FUT9: variants seen among roughly 807,000 people sequenced by gnomAD.
The protein encoded by FUT9 is 4-galactosyl-N-acetylglucosaminide 3-alpha-L-fucosyltransferase 9.
Under a neutral mutation model 29.7 loss-of-function variants are expected in FUT9, and 15 were observed. The ratio of observed to expected loss-of-function variants is 0.51; its 90% confidence interval spans 0.34 to 0.78. The LOEUF is 0.78. FUT9 is among the 30% of genes least tolerant of loss of function. FUT9 has a pLI of 0.01. For synonymous variants in FUT9, 169 were observed against 153.7 expected (o/e 1.10, Z -0.74); for missense variants, 319 against 425.4 (o/e 0.75, Z 2.20).
chr6:96,057,539 C>CTGA (rs1183182108), intron 1 of FUT9, among the ~76,000 whole-genome samples: 1 of 152,150 alleles, frequency 6.6e-6, no homozygotes, highest in Non-Finnish European at 1.5e-5. Context: ...TAGTAATGGC[C>CTGA]ATCATTTATA....
At chr6:96,131,634 A>G (rs1772246239) in intron 2 of FUT9, among the ~76,000 whole-genome samples, 1 of 152,136 alleles carries the variant, frequency 6.6e-6, no homozygotes, top group Non-Finnish European at 1.5e-5. Flanking sequence ...TAACCTCAGA[A>G]TGCTTTAGGG....
chr6:96,078,386 C>CTCTT (rs1288992442), intron 1 of FUT9, among the ~76,000 whole-genome samples: 1 of 102,140 alleles, frequency 9.8e-6, no homozygotes, highest in Non-Finnish European at 2.0e-5. Flanking sequence ...TTGCTTTGAT[C>CTCTT]TCTTTCTTTC....
intron 1 of FUT9, among the ~76,000 whole-genome samples, chr6:96,056,767 A>T (rs1969864): frequency 6.6e-6 from 1 of 151,916 alleles, no homozygotes; most frequent in Non-Finnish European, 1.5e-5. Flanking sequence ...AAAAAAAAAA[A>T]CCTAAGCTTT....
Position 96,035,787 on chromosome 6 carries a change from T to TA in FUT9, c.-98+19575_-98+19576insA, listed in dbSNP as rs1354526980. ...ATAATTAAAATATAATATAATTTAT[T>TA]TATTATACTAATATAATATAATACA... On this transcript the variant is annotated intron_variant, in intron 1 of 2. Coordinates refer to ENST00000302103, the MANE Select transcript of FUT9 (RefSeq NM_006581.4). Among the ~76,000 whole-genome samples the TA allele has an allele frequency of 3.5e-3, 374 of 107,178 alleles. 1 individual carries two copies. Among genetic ancestry groups the TA allele is most frequent in the African/African-American group, 0.012 (362 of 31,168 alleles). The allele number at this position is 107,178 out of a possible 152,430, so 70.3% of individuals were successfully genotyped here. A position where few individuals can be genotyped will look rare whatever the true frequency, so the allele number is the denominator to read the frequency against.
intron 1 of FUT9, among the ~76,000 whole-genome samples, chr6:96,027,121 C>A (rs1770182169): frequency 6.6e-6 from 1 of 151,650 alleles, no homozygotes; most frequent in Non-Finnish European, 1.5e-5. Context: ...TATCCTGATA[C>A]TCATTCCCAG....
chr6:96,198,464 T>C lies in FUT9; in HGVS notation c.-8-4684T>C, dbSNP rs532208261. ...ACATGAACTCATCCTTTTTTATGGCTGCATAGTATTCCATGGTGTATATGT... is the reference window on the plus strand; with the variant it reads ...ACATGAACTCATCCTTTTTTATGGCCGCATAGTATTCCATGGTGTATATGT... On this transcript the variant is annotated intron_variant, in intron 2 of 2. Transcript: ENST00000302103. 1.6e-3 allele frequency among the ~76,000 whole-genome samples: 246 copies of C among 152,310 alleles called. 1 individual carries two copies. Among genetic ancestry groups the C allele is most frequent in the African/African-American group, 5.7e-3 (237 of 41,556 alleles).
At position 96,159,305 on chromosome 6, in the gene FUT9, G is replaced by A. The variant is rs150818688; in HGVS notation, c.-8-43843G>A. 3.5e-3 allele frequency among the ~76,000 whole-genome samples: 527 copies of A among 152,038 alleles called. 2 individuals carry two copies. The highest frequency in any genetic ancestry group is 0.011 in the African/African-American group (471 of 41,504). ...AAAATGTTGATCCCATCAACAACAG[G>A]GATGCAGGAATTGATGTTGATCCCT... On this transcript the variant is annotated intron_variant, in intron 2 of 2. Transcript: ENST00000302103.
intron 1 of FUT9, among the ~76,000 whole-genome samples, chr6:96,046,698 G>A (rs1249093587): frequency 1.3e-5 from 2 of 152,144 alleles, no homozygotes; most frequent in African/African-American, 4.8e-5. Context: ...CTTCACTGCT[G>A]CTCCCCACAA....
intron 2 of FUT9, among the ~76,000 whole-genome samples, chr6:96,167,126 A>G (rs1057044072): frequency 2.0e-5 from 3 of 152,234 alleles, no homozygotes; most frequent in African/African-American, 7.2e-5. Context: ...CTGAAAATGT[A>G]AAATGGTTAT....
At chr6:96,159,432 G>A (rs1397048636) in intron 2 of FUT9, among the ~76,000 whole-genome samples, 3 of 152,196 alleles carry the variant, frequency 2.0e-5, no homozygotes, top group Middle Eastern at 6.8e-3. Flanking sequence ...AATAAGACAT[G>A]AGAAATTAGA....
chr6:96,029,506 T>C (rs1198249453), intron 1 of FUT9, among the ~76,000 whole-genome samples: 1 of 151,568 alleles, frequency 6.6e-6, no homozygotes. Context: ...TGTGAAGTCT[T>C]TGGCATCCTG....
chr6:96,090,676 T>C (rs1197253665), intron 1 of FUT9, among the ~76,000 whole-genome samples: 2 of 151,800 alleles, frequency 1.3e-5, no homozygotes, highest in Admixed American at 6.6e-5. Flanking sequence ...GCGATGCAAC[T>C]ATAGTCATAA....
Position 96,168,735 on chromosome 6 carries a change from G to C in FUT9, c.-8-34413G>C, listed in dbSNP as rs148547376. Among the ~76,000 whole-genome samples, 370 of 152,312 alleles carry C rather than the reference G, an allele frequency of 2.4e-3. 1 individual carries two copies. Among genetic ancestry groups the C allele is most frequent in the African/African-American group, 8.6e-3 (358 of 41,556 alleles). On this transcript the variant is annotated intron_variant, in intron 2 of 2. Coordinates refer to ENST00000302103, the MANE Select transcript of FUT9 (RefSeq NM_006581.4). ...TACAAGAGTAAATCAGTAGATGGCA[G>C]GGAAGTGGAGTCAAGAGAAGTTTGA...
rs539195718 is a variant in FUT9, at chr6:96,170,478, CT to C, written c.-8-32662del. ...AACAATATATCAAAATCAAACTGTC[CT>C]TTTTTTTCTTCCAAAAGAATAGCCA... On this transcript the variant is annotated intron_variant, in intron 2 of 2. Transcript: ENST00000302103. Among the ~76,000 whole-genome samples the C allele has an allele frequency of 6.9e-4, 105 of 151,544 alleles. 2 individuals carry two copies. The highest frequency in any genetic ancestry group is 2.4e-3 in the Admixed American group (36 of 15,204).
intron 2 of FUT9, among the ~76,000 whole-genome samples, chr6:96,187,897 T>C (rs1009143657): frequency 8.5e-5 from 13 of 152,122 alleles, no homozygotes; most frequent in African/African-American, 2.9e-4. Flanking sequence ...GGAATTTATC[T>C]GAAAGAGAAT....
At chr6:96,070,716 A>T (rs1405100708) in intron 1 of FUT9, among the ~76,000 whole-genome samples, 1 of 152,224 alleles carries the variant, frequency 6.6e-6, no homozygotes, top group Non-Finnish European at 1.5e-5. Context: ...AATTTAATTA[A>T]GTTAGAATTA....
chr6:96,182,715 T>C (rs1255291844), intron 2 of FUT9, among the ~76,000 whole-genome samples: 2 of 152,114 alleles, frequency 1.3e-5, no homozygotes, highest in African/African-American at 2.4e-5. Flanking sequence ...TCACTTTATG[T>C]TTTTGTTTGC....
chr6:96,039,237 G>A (rs934365707), intron 1 of FUT9, among the ~76,000 whole-genome samples: 23 of 151,764 alleles, frequency 1.5e-4, no homozygotes, highest in African/African-American at 5.6e-4. Flanking sequence ...ACACACACAC[G>A]TATATGCCAT....
At chr6:96,190,045 C>T (rs1287215131) in intron 2 of FUT9, among the ~76,000 whole-genome samples, 7 of 152,016 alleles carry the variant, frequency 4.6e-5, no homozygotes, top group South Asian at 2.1e-4. Context: ...TGGTTGGTAC[C>T]GGTTGTTCCT....
Sources: gnomAD v4.1 joint callset for allele counts (sites outside exome capture counted in the v4.1 genomes callset) on GRCh38, gnomAD v4.1.1 for gene constraint, MANE v1.5 for transcripts, NCBI Gene and HGNC (gene_info 2026-07-23, HGNC 2026-07-21) for gene names.